The following PCDHGA1 variants were observed in gnomAD, a reference collection of about 807,000 sequenced individuals.
The protein encoded by PCDHGA1 is protocadherin gamma-A1.
In PCDHGA1, 32 loss-of-function variants were observed where a neutral mutation model predicts 58.0. The observed-to-expected ratio is 0.55, with a 90% CI of 0.42 to 0.74. PCDHGA1 has a LOEUF of 0.74. Ranked by LOEUF, PCDHGA1 falls within the 30% of genes least tolerant of loss-of-function variation. The pLI is 0.00. For synonymous variants in PCDHGA1, 498 were observed against 501.1 expected (o/e 0.99, Z 0.08); for missense variants, 1,205 against 1,182.3 (o/e 1.02, Z -0.28).
chr5:141,399,314 A>C (rs1309292354), intron 1 of PCDHGA1: 9 of 1,613,988 alleles, frequency 5.6e-6, no homozygotes, highest in Non-Finnish European at 1.7e-6. Context: ...TCATCCAAAA[A>C]TTCGTATAAG....
intron 1 of PCDHGA1, among the ~76,000 whole-genome samples, chr5:141,348,143 G>C (rs1206366041): frequency 1.3e-5 from 2 of 152,142 alleles, no homozygotes; most frequent in Admixed American, 1.3e-4. Flanking sequence ...AATCATATGA[G>C]AGTTATCCAA....
rs1382764259 is a variant in PCDHGA1 at position 141,478,383 on chromosome 5, T to G, written c.2422-16424T>G. 2.5e-6 allele frequency: 4 copies of G among 1,613,630 alleles called. No individual in the cohort carries two copies. In the Admixed American group the frequency reaches 6.7e-5, roughly 27 times the overall value. Reference sequence around the variant, plus strand: ...CGGGGAGGCCTGATGTCGCCGCACCTTTACCATCAGGTGTATCTCACCACG... The same window carrying G: ...CGGGGAGGCCTGATGTCGCCGCACCGTTACCATCAGGTGTATCTCACCACG... On this transcript the variant is annotated intron_variant, in intron 1 of 3. Coordinates refer to ENST00000517417, the MANE Select transcript of PCDHGA1 (RefSeq NM_018912.3).
At chr5:141,375,007 C>A (rs369489853) in intron 1 of PCDHGA1, 1 of 1,614,000 alleles carries the variant, frequency 6.2e-7, no homozygotes, top group East Asian at 2.2e-5. Context: ...CAAATCTAGA[C>A]TATGAGGACT....
At chr5:141,371,965 A>T (rs746190919) in intron 1 of PCDHGA1, 1 of 1,613,282 alleles carries the variant, frequency 6.2e-7, no homozygotes, top group South Asian at 1.1e-5. Context: ...GACCACGAGC[A>T]GCTGCGTGCC....
chr5:141,341,077 C>T, intron 1 of PCDHGA1: 8 of 1,614,196 alleles, frequency 5.0e-6, no homozygotes, highest in African/African-American at 1.3e-5. Flanking sequence ...CGGTCTCCTG[C>T]GTCTTCCTGG....
intron 1 of PCDHGA1, chr5:141,341,442 A>G (rs1392856500): frequency 1.2e-6 from 2 of 1,610,334 alleles, no homozygotes; most frequent in Non-Finnish European, 1.7e-6. Flanking sequence ...TTGCTGAAGT[A>G]ATTCACTTAC....
intron 1 of PCDHGA1, chr5:141,362,322 T>C (rs369360424): frequency 6.2e-7 from 1 of 1,614,066 alleles, no homozygotes; most frequent in South Asian, 1.1e-5. Flanking sequence ...GTTTTCAGCC[T>C]GGTCTCAGCT....
intron 1 of PCDHGA1, chr5:141,356,285 C>T: frequency 6.4e-7 from 1 of 1,556,606 alleles, no homozygotes. Context: ...TCTTCTTCCC[C>T]GGGTACAGTA....
rs766092387 is a variant in PCDHGA1 at position 141,491,171 on chromosome 5, T to C, written c.2422-3636T>C. 7.4e-6 allele frequency: 12 copies of C among 1,613,968 alleles called. No individual in the cohort carries two copies. The highest frequency in any genetic ancestry group is 1.3e-5 in the African/African-American group (1 of 74,904). On this transcript the variant is annotated intron_variant, in intron 1 of 3. Coordinates refer to ENST00000517417, the MANE Select transcript of PCDHGA1 (RefSeq NM_018912.3). The surrounding 1 kb of genome is among the most constrained non-coding windows in gnomAD (Gnocchi z 6.9). The stretch of plus-strand genomic sequence containing the variant: ...GAGGATGACTCTGACACCCAGCAGG[T>C]GGTGGTCCTGGTGAGGGACAATGGT...
chr5:141,425,763 G>A (rs959881638), intron 1 of PCDHGA1, among the ~76,000 whole-genome samples: 3 of 152,164 alleles, frequency 2.0e-5, no homozygotes, highest in Non-Finnish European at 4.4e-5. Context: ...TCTACAACAG[G>A]AGAGAAGACT....
chr5:141,417,387 G>GA (rs1356605500), intron 1 of PCDHGA1: 1 of 154,090 alleles, frequency 6.5e-6, no homozygotes, highest in Non-Finnish European at 1.4e-5. Context: ...AAATTTTGAA[G>GA]AAAAAATATT....
At chr5:141,503,598 CAAAAAAA>C (rs765754054) in intron 2 of PCDHGA1, among the ~76,000 whole-genome samples, 8 of 65,766 alleles carry the variant, frequency 1.2e-4, no homozygotes, top group South Asian at 1.1e-3. Context: ...GACTCCAGCT[CAAAAAAA>C]AAAAAAAAAG....
intron 1 of PCDHGA1, among the ~76,000 whole-genome samples, chr5:141,434,345 G>C (rs1254991411): frequency 1.3e-5 from 2 of 152,144 alleles, no homozygotes; most frequent in African/African-American, 4.8e-5. Flanking sequence ...GTCGGGAACA[G>C]GCCCCCCAAA....
At chr5:141,394,240 C>T in intron 1 of PCDHGA1, 1 of 1,613,940 alleles carries the variant, frequency 6.2e-7, no homozygotes, top group Non-Finnish European at 8.5e-7. Context: ...TCCTTGACTG[C>T]ACACGACCCC....
chr5:141,462,656 A>G (rs1427673992), intron 1 of PCDHGA1, among the ~76,000 whole-genome samples: 2 of 151,950 alleles, frequency 1.3e-5, no homozygotes, highest in African/African-American at 4.8e-5. Context: ...ATCCTCAATT[A>G]TCTTCATATT....
At chr5:141,425,524 G>C (rs2096881323) in intron 1 of PCDHGA1, among the ~76,000 whole-genome samples, 1 of 152,184 alleles carries the variant, frequency 6.6e-6, no homozygotes, top group Non-Finnish European at 1.5e-5. Context: ...GATGAAACAT[G>C]AAACAATAAT....
chr5:141,414,684 AC>A (rs1561750824), intron 1 of PCDHGA1: 1 of 1,613,924 alleles, frequency 6.2e-7, no homozygotes, highest in Admixed American at 1.7e-5. Flanking sequence ...TCCAGGGGGT[AC>A]CTCTGTCCTC....
At chr5:141,465,979 G>C (rs779605313) in intron 1 of PCDHGA1, among the ~76,000 whole-genome samples, 26 of 151,846 alleles carry the variant, frequency 1.7e-4, no homozygotes, top group Non-Finnish European at 3.8e-4. Flanking sequence ...AAAATTAGCC[G>C]GGCATGGTGG....
chr5:141,395,407 G>A (rs1467176036), intron 1 of PCDHGA1: 1 of 826,654 alleles, frequency 1.2e-6, no homozygotes, highest in Non-Finnish European at 1.8e-6. Context: ...ATAGTCATAG[G>A]TTATTGTTTC....
Sources: gnomAD v4.1 joint callset for allele counts (sites outside exome capture counted in the v4.1 genomes callset) on GRCh38, gnomAD v4.1.1 for gene constraint, Gnocchi (gnomAD v3.1) non-coding constraint, MANE v1.5 for transcripts, NCBI Gene and HGNC (gene_info 2026-07-23, HGNC 2026-07-21) for gene names.